Variants in CBFA2T2 observed in about 807,000 individuals in gnomAD.
CBFA2T2 encodes CBFA2/RUNX1 partner transcriptional co-repressor 2, also known as protein CBFA2T2.
A neutral mutation model predicts 62.2 loss-of-function variants in CBFA2T2; 11 were observed. The observed-to-expected ratio is 0.18, with a 90% confidence interval of 0.11 to 0.29. The LOEUF is 0.29. Ranked by LOEUF, CBFA2T2 falls within the 10% of genes least tolerant of loss-of-function variation. The pLI is 1.00. For synonymous variants in CBFA2T2, 295 were observed against 287.5 expected, an observed-to-expected ratio of 1.03 and a Z score of -0.27; for missense variants, 592 against 774.1, an observed-to-expected ratio of 0.76 and a Z score of 2.79.
In CBFA2T2 at chr20:33,532,258, CTG is replaced by C. The variant is rs143977858; in HGVS notation, c.34+41959_34+41960del. 7.1e-3 allele frequency among the ~76,000 whole-genome samples: 1,088 copies of C among 152,238 alleles called. 17 individuals carry two copies. Among genetic ancestry groups the C allele is most frequent in the African/African-American group, 0.025 (1,053 of 41,546 alleles). On this transcript the variant is annotated intron_variant, in intron 1 of 10. Transcript: ENST00000342704. ...AACCTCTAATAGATTAAGGAAATAA[CTG>C]TTATTGTTCAAGTATGGTTTTGAGA... is the stretch of plus-strand genomic sequence containing the variant.
intron 3 of CBFA2T2, among the ~76,000 whole-genome samples, chr20:33,614,666 T>G (rs1307700577): frequency 1.3e-5 from 2 of 152,230 alleles, no homozygotes; most frequent in South Asian, 4.1e-4. Flanking sequence ...AGTATTTGTC[T>G]TTTTGTGACT....
chr20:33,526,713 C>G (rs1026133522), intron 1 of CBFA2T2, among the ~76,000 whole-genome samples: 1 of 148,022 alleles, frequency 6.8e-6, no homozygotes, highest in Non-Finnish European at 1.5e-5. Flanking sequence ...CAATCTTGTT[C>G]AGCAAGGCCA....
At chr20:33,537,432 C>T (rs2012294291) in intron 1 of CBFA2T2, among the ~76,000 whole-genome samples, 1 of 152,178 alleles carries the variant, frequency 6.6e-6, no homozygotes, top group African/African-American at 2.4e-5. Flanking sequence ...GCCGAGATGG[C>T]AGCAGTACAG....
chr20:33,632,845 G>C (rs116466247), intron 8 of CBFA2T2, among the ~76,000 whole-genome samples: 140 of 152,214 alleles, frequency 9.2e-4, no homozygotes, highest in African/African-American at 3.1e-3. Flanking sequence ...TTGCCTCACT[G>C]CTCCCCAGGT....
At chr20:33,543,596 T>A (rs943155532) in intron 1 of CBFA2T2, among the ~76,000 whole-genome samples, 2 of 152,128 alleles carry the variant, frequency 1.3e-5, no homozygotes, top group Admixed American at 1.3e-4. Flanking sequence ...GTGTTTTAGA[T>A]TTCAGTCAGA....
rs186660380 is a variant in CBFA2T2 at position 33,495,198 on chromosome 20, G to T, written c.34+4897G>T. Among the ~76,000 whole-genome samples the T allele has an allele frequency of 8.8e-4, 134 of 151,710 alleles. 1 individual carries two copies. The highest frequency in any genetic ancestry group is 7.8e-3 in the Admixed American group (118 of 15,196). On this transcript the variant is annotated intron_variant, in intron 1 of 10. Coordinates refer to ENST00000342704, the MANE Select transcript of CBFA2T2 (RefSeq NM_001032999.3). The stretch of plus-strand genomic sequence containing the variant: ...GATCATCTGAGGTCAGGAGTTTTGA[G>T]ACCAGCATGGCCAACATGGTGAAAC...
chr20:33,551,910 C>T (rs1186038277), intron 1 of CBFA2T2, among the ~76,000 whole-genome samples: 1 of 151,946 alleles, frequency 6.6e-6, no homozygotes, highest in East Asian at 1.9e-4. Flanking sequence ...TCTTCTTGCC[C>T]TCCCTGCCCT....
chr20:33,642,187 G>T (rs1324263992), intron 10 of CBFA2T2, among the ~76,000 whole-genome samples: 1 of 144,662 alleles, frequency 6.9e-6, no homozygotes, highest in African/African-American at 2.5e-5. Context: ...TCACTATATT[G>T]CCCAGGCAGG....
At chr20:33,500,116 C>T (rs867961203) in intron 1 of CBFA2T2, among the ~76,000 whole-genome samples, 1 of 151,954 alleles carries the variant, frequency 6.6e-6, no homozygotes, top group African/African-American at 2.4e-5. Flanking sequence ...CGTCACCACA[C>T]CCGGCTAATT....
At chr20:33,630,942 C>A (rs2016423927) in intron 8 of CBFA2T2, among the ~76,000 whole-genome samples, 2 of 152,110 alleles carry the variant, frequency 1.3e-5, no homozygotes, top group Non-Finnish European at 2.9e-5. Flanking sequence ...CATGGAATTA[C>A]AACCATTAGG....
chr20:33,496,326 C>A (rs1048327507), intron 1 of CBFA2T2, among the ~76,000 whole-genome samples: 6 of 152,186 alleles, frequency 3.9e-5, no homozygotes, highest in Non-Finnish European at 7.3e-5. Flanking sequence ...CTGGCAGGGG[C>A]CAGATGGCAA....
chr20:33,513,111 T>C (rs1020523093), intron 1 of CBFA2T2, among the ~76,000 whole-genome samples: 8 of 152,138 alleles, frequency 5.3e-5, no homozygotes, highest in African/African-American at 1.7e-4. Flanking sequence ...GGACATACAG[T>C]GTGCATATGT....
chr20:33,611,155 A>AT lies in CBFA2T2; in HGVS notation c.242dup (p.Ser82GlnfsTer42). 1 of 1,614,186 alleles carries AT rather than the reference A, an allele frequency of 6.2e-7. No homozygotes were observed. On this transcript the variant is annotated frameshift_variant, in exon 3 of 11. Coordinates refer to ENST00000342704, the MANE Select transcript of CBFA2T2 (RefSeq NM_001032999.3). LOFTEE classifies it high-confidence loss of function. The stretch of plus-strand genomic sequence containing the variant: ...ATGGTGCCCCATCACCGCCACAGAG[A>AT]TTCAGCAATGGTCCTGCCTCCTCCA...
intron 1 of CBFA2T2, among the ~76,000 whole-genome samples, chr20:33,498,378 A>C (rs1303383962): frequency 6.6e-6 from 1 of 151,458 alleles, no homozygotes; most frequent in East Asian, 2.0e-4. Flanking sequence ...CAGCTTCCCA[A>C]GTCGCTGGGT....
intron 1 of CBFA2T2, among the ~76,000 whole-genome samples, chr20:33,583,055 T>TGA: frequency 6.6e-6 from 1 of 152,348 alleles, no homozygotes; most frequent in South Asian, 2.1e-4. Flanking sequence ...TTTATTTTCG[T>TGA]GAGTATACAT....
intron 1 of CBFA2T2, among the ~76,000 whole-genome samples, chr20:33,552,768 C>G (rs77305445): frequency 0.03 from 4,583 of 152,300 alleles, 213 homozygotes; most frequent in African/African-American, 0.1. Flanking sequence ...CATCGTCCTT[C>G]TGCACGTTTA....
chr20:33,570,258 G>A (rs1358734416), intron 1 of CBFA2T2, among the ~76,000 whole-genome samples: 2 of 152,080 alleles, frequency 1.3e-5, no homozygotes, highest in Non-Finnish European at 2.9e-5. Context: ...TCCAGCCTGG[G>A]TGACAAGAGC....
intron 1 of CBFA2T2, among the ~76,000 whole-genome samples, chr20:33,558,267 G>A (rs2012973126): frequency 6.6e-6 from 1 of 151,882 alleles, no homozygotes; most frequent in East Asian, 1.9e-4. Flanking sequence ...GAGTAGCTGG[G>A]ATTACAGGAG....
At chr20:33,557,617 C>T (rs2012942414) in intron 1 of CBFA2T2, among the ~76,000 whole-genome samples, 2 of 152,016 alleles carry the variant, frequency 1.3e-5, no homozygotes, top group African/African-American at 4.8e-5. Context: ...AGCAATACTC[C>T]CACCTCAGCC....
Sources: gnomAD v4.1 joint callset for allele counts (sites outside exome capture counted in the v4.1 genomes callset) on GRCh38, gnomAD v4.1.1 for gene constraint, MANE v1.5 for transcripts, NCBI Gene and HGNC (gene_info 2026-07-23, HGNC 2026-07-21) for gene names.